ITPKC: variants seen among roughly 807,000 people sequenced by gnomAD.
The protein encoded by ITPKC is IP3 3-kinase C.
In ITPKC, 33 loss-of-function variants were observed where a neutral mutation model predicts 67.1. That is an observed-to-expected ratio of 0.49 (90% confidence interval 0.37 to 0.66). The LOEUF is 0.66. Among genes scored for constraint, ITPKC ranks in the 30% least tolerant of loss-of-function variants. The pLI, the probability that ITPKC is intolerant of heterozygous loss-of-function variation, is 0.00. For synonymous variants in ITPKC, 341 were observed against 359.8 expected (o/e 0.95, Z 0.59); for missense variants, 820 against 892.1 (o/e 0.92, Z 1.03).
intron 3 of ITPKC, 68 bp from the exon 4 acceptor site, chr19:40,733,092 T>TA: frequency 7.2e-7 from 1 of 1,382,688 alleles, no homozygotes; most frequent in Non-Finnish European, 1.0e-6. Context: ...TATGTCTTAA[T>TA]ATCAGGAAGG....
At chr19:40,722,409 A>G (rs911414336) in intron 1 of ITPKC, among the ~76,000 whole-genome samples, 8 of 152,032 alleles carry the variant, frequency 5.3e-5, no homozygotes, top group Non-Finnish European at 1.0e-4. Context: ...TTTATTAATC[A>G]TCTCTTCCCC....
chr19:40,719,257 G>A (rs2082209664), intron 1 of ITPKC, among the ~76,000 whole-genome samples: 1 of 152,224 alleles, frequency 6.6e-6, no homozygotes, highest in Non-Finnish European at 1.5e-5. Context: ...CTGCCTTGAC[G>A]TGCCTGTGCC....
rs746158428 is a variant in ITPKC at position 40,728,217 on chromosome 19, A to AT, written c.1256-973dup. 9.4e-3 allele frequency among the ~76,000 whole-genome samples: 1,376 copies of AT among 145,906 alleles called. 12 individuals carry two copies. Among genetic ancestry groups the AT allele is most frequent in the Non-Finnish European group, 0.014 (908 of 65,974 alleles). On this transcript the variant is annotated intron_variant, in intron 2 of 6. Transcript: ENST00000263370. Reference sequence around the variant, plus strand: ...ACACTACCCCAACCCGACATTACACATTTTTTTTTTTTAGATTAGCTGGGA... The same window carrying AT: ...ACACTACCCCAACCCGACATTACACATTTTTTTTTTTTTAGATTAGCTGGGA...
rs1222795650 is a variant in ITPKC, at chr19:40,717,229, G to GGGCGGC, written c.101_106dup (p.Arg34_Arg35dup). ...CATGGGACTGGAGGCGCCGCGAGGA[G>GGGCGGC]GGCGGCGGCGGCAGCCGGGACAGCA... On this transcript the variant is annotated inframe_insertion, in exon 1 of 7. Transcript: ENST00000263370. 16 of 1,237,882 alleles carry GGGCGGC rather than the reference G, an allele frequency of 1.3e-5. No homozygotes were observed. Among genetic ancestry groups the GGGCGGC allele is most frequent in the Middle Eastern group, 3.1e-4 (1 of 3,238 alleles). The allele number at this position is 1,237,882 out of a possible 1,614,324, so 76.7% of individuals were successfully genotyped here.
At chr19:40,723,106 T>C (rs1284531104) in intron 1 of ITPKC, among the ~76,000 whole-genome samples, 2 of 151,882 alleles carry the variant, frequency 1.3e-5, no homozygotes, top group Non-Finnish European at 2.9e-5. Context: ...GGACTGCAGG[T>C]GCCCGCCACC....
At chr19:40,735,211 G>A (rs1321464203) in intron 4 of ITPKC, among the ~76,000 whole-genome samples, 2 of 152,084 alleles carry the variant, frequency 1.3e-5, no homozygotes, top group Admixed American at 1.3e-4. Context: ...GAGCCACCAC[G>A]CCCAACCTCT....
intron 3 of ITPKC, among the ~76,000 whole-genome samples, chr19:40,731,605 T>TG (rs2082271280): frequency 2.2e-5 from 3 of 137,130 alleles, no homozygotes; most frequent in Non-Finnish European, 4.8e-5. Flanking sequence ...GTTTTTTTTT[T>TG]TTTTTTTTTT....
intron 3 of ITPKC, among the ~76,000 whole-genome samples, chr19:40,732,351 A>G (rs1341662239): frequency 6.6e-6 from 1 of 151,388 alleles, no homozygotes; most frequent in African/African-American, 2.4e-5. Context: ...CAACATCGTG[A>G]AACCCCATCT....
intron 1 of ITPKC, among the ~76,000 whole-genome samples, chr19:40,723,614 A>T (rs7260405): frequency 6.6e-6 from 1 of 151,708 alleles, no homozygotes; most frequent in Admixed American, 6.6e-5. Context: ...CTCATGCCTC[A>T]GCCTCCTGAG....
chr19:40,734,207 GT>G (rs200358756), intron 4 of ITPKC, among the ~76,000 whole-genome samples: 21 of 151,256 alleles, frequency 1.4e-4, no homozygotes, highest in African/African-American at 1.9e-4. Context: ...TCCTCTTTCT[GT>G]TTTTTTTTCC....
chr19:40,723,877 C>A (rs946013573), intron 1 of ITPKC, among the ~76,000 whole-genome samples: 4 of 152,134 alleles, frequency 2.6e-5, no homozygotes, highest in African/African-American at 9.7e-5. Flanking sequence ...TAACAAAGAG[C>A]CCCCAAATCT....
Position 40,717,989 on chromosome 19 carries a change from C to A in ITPKC, c.854C>A (p.Ser285Tyr). The A allele has an allele frequency of 1.2e-6, 2 of 1,614,152 alleles. No homozygotes were observed. Among genetic ancestry groups the A allele is most frequent in the Non-Finnish European group, 1.7e-6 (2 of 1,180,012 alleles). ...GSWTQPSTDG[S>Y]QTAPGTDCLL... The stretch of plus-strand genomic sequence containing the variant: ...TGGACACAACCTAGCACTGACGGTT[C>A]CCAGACAGCACCTGGGACAGACTGC... Residue 285 changes from serine (S) to tyrosine (Y), a missense_variant, in exon 1 of 7, where the codon TCC becomes TAC. Ser to Tyr is a moderately radical substitution (Grantham distance 144). This residue lies in a region of ITPKC where 481 missense variants were observed against 470.1 expected (regional missense o/e 1.02). Coordinates refer to ENST00000263370, the MANE Select transcript of ITPKC (RefSeq NM_025194.3).
At chr19:40,722,125 A>G (rs550503923) in intron 1 of ITPKC, among the ~76,000 whole-genome samples, 1 of 152,202 alleles carries the variant, frequency 6.6e-6, no homozygotes, top group African/African-American at 2.4e-5. Context: ...CATAACCATG[A>G]CAACCCCAGT....
rs757237709 is a variant in ITPKC, at chr19:40,729,216, G to A, written c.1270G>A (p.Gly424Arg). The change falls in exon 3 of 7, where the codon GGA (glycine) becomes AGA (arginine). Residue 424 changes from glycine to arginine, a missense_variant. Gly to Arg is a moderately radical substitution (Grantham distance 125). Around this residue, in one of 2 missense-constraint regions of ITPKC, gnomAD observed 339 missense variants for 422.0 expected, o/e 0.80. Coordinates refer to ENST00000263370, the MANE Select transcript of ITPKC (RefSeq NM_025194.3). The part of the protein sequence containing the change: ...LSGHAGNFQA[G>R]EDGRILKRFC... ...ACCACCTTTAGGGAACTTCCAGGCA[G>A]GAGAGGATGGTCGGATTCTGAAACG... 5.6e-6 allele frequency: 9 copies of A among 1,613,918 alleles called. No individual in the cohort carries two copies. The Admixed American group carries it at 6.7e-5, about 12-fold the overall frequency.
intron 4 of ITPKC, among the ~76,000 whole-genome samples, chr19:40,735,810 A>G (rs2082291743): frequency 6.6e-6 from 1 of 152,156 alleles, no homozygotes; most frequent in South Asian, 2.1e-4. Flanking sequence ...CTGAAACATA[A>G]CAGATAACAT....
chr19:40,721,065 A>G (rs530404813), intron 1 of ITPKC, among the ~76,000 whole-genome samples: 52 of 151,488 alleles, frequency 3.4e-4, no homozygotes, highest in Non-Finnish European at 6.9e-4. Context: ...GTGCTATCCT[A>G]TTCTTCTAAT....
At position 40,739,967 on chromosome 19, in the gene ITPKC, G is replaced by A; in HGVS notation, c.*407G>A. 1 of 197,092 alleles carries A rather than the reference G, an allele frequency of 5.1e-6. No homozygotes were observed. The highest frequency in any genetic ancestry group is 1.0e-5 in the Non-Finnish European group (1 of 95,548). 12.2% of individuals were successfully genotyped at this position (197,092 alleles called of 1,614,324 possible). A position where few individuals can be genotyped will look rare whatever the true frequency, so the allele number is the denominator to read the frequency against. ...CCTGTCAGCCTCCAGGCTGCCAGCT[G>A]GCTGAGGCCAGGGACTGGGTCAGGC... On this transcript the variant is annotated 3_prime_UTR_variant, in exon 7 of 7. Transcript: ENST00000263370.
chr19:40,720,226 G>A (rs772225957), intron 1 of ITPKC, among the ~76,000 whole-genome samples: 11 of 151,980 alleles, frequency 7.2e-5, no homozygotes, highest in Admixed American at 3.9e-4. Flanking sequence ...TTAGCCAGGC[G>A]TGTGATGGCG....
rs2082312661 is a variant in ITPKC, at chr19:40,739,410, C to T, written c.1902C>T (p.Val634=). ...ACGACCACACCGGCCTGGCCAAGGT[C>T]TGGATGATAGACTTCGGCAAGACGG... ...FVHDHTGLAK[V]WMIDFGKTVA... The change falls in exon 7 of 7, where the codon GTC becomes GTT. Residue 634 remains valine (V), a synonymous_variant. Transcript: ENST00000263370. The T allele has an allele frequency of 6.2e-7, 1 of 1,613,638 alleles. No individual in the cohort carries two copies. Among genetic ancestry groups the T allele is most frequent in the Admixed American group, 1.7e-5 (1 of 60,000 alleles).
Sources: allele counts gnomAD v4.1 joint callset (sites outside exome capture counted in the v4.1 genomes callset), GRCh38; gene constraint gnomAD v4.1.1; regional missense constraint gnomAD v4.1.1; transcripts MANE v1.5; gene names NCBI Gene and HGNC (gene_info 2026-07-23, HGNC 2026-07-21).